ERMP1: variants seen among roughly 807,000 people sequenced by gnomAD.
The protein encoded by ERMP1 is Felix-ina.
ERMP1 carries 86 observed loss-of-function variants against 92.0 expected under a neutral mutation model. The ratio of observed to expected loss-of-function variants is 0.93; its 90% CI spans 0.79 to 1.12. The LOEUF is 1.12. Among genes scored for constraint, ERMP1 ranks in the 50% most tolerant of loss-of-function variants. The pLI is 0.00. For missense variants in ERMP1, 1,342 were observed against 1,116.3 expected (o/e 1.20, Z -2.88); for synonymous variants, 530 against 412.8 (o/e 1.28, Z -3.44).
chr9:5,802,752 T>C (rs1218521634), intron 10 of ERMP1, among the ~76,000 whole-genome samples: 1 of 152,178 alleles, frequency 6.6e-6, no homozygotes, highest in Non-Finnish European at 1.5e-5. Context: ...CGTATACTGA[T>C]TGAATGACAG....
At chr9:5,816,483 T>C (rs1342675329) in intron 4 of ERMP1, among the ~76,000 whole-genome samples, 1 of 152,240 alleles carries the variant, frequency 6.6e-6, no homozygotes, top group Non-Finnish European at 1.5e-5. Context: ...GTATTATCTT[T>C]TGTATATATA....
At chr9:5,863,640 G>C (rs915320084) in intron 5 of ERMP1, among the ~76,000 whole-genome samples, 2 of 152,198 alleles carry the variant, frequency 1.3e-5, no homozygotes, top group Non-Finnish European at 2.9e-5. Flanking sequence ...GTAAGGATCA[G>C]AGGGAAGGTC....
intron 2 of ERMP1, among the ~76,000 whole-genome samples, chr9:5,825,937 G>A (rs557478567): frequency 2.6e-5 from 4 of 152,312 alleles, no homozygotes; most frequent in Admixed American, 6.5e-5. Flanking sequence ...AGCATTGTAA[G>A]AGACAATTAA....
chr9:5,835,993 G>A (rs192114347), upstream of ERMP1, among the ~76,000 whole-genome samples: 497 of 152,326 alleles, frequency 3.3e-3, 5 homozygotes, highest in African/African-American at 0.011. Flanking sequence ...TGGCTGCCCC[G>A]TCTGGTGAGC....
rs4532647 is a variant in ERMP1 at position 5,843,416 on chromosome 9, T to A, written n.3200-10104A>T. 2.1e-3 allele frequency among the ~76,000 whole-genome samples: 325 copies of A among 152,328 alleles called. 1 individual carries two copies. The highest frequency in any genetic ancestry group is 7.6e-3 in the African/African-American group (317 of 41,550). The stretch of plus-strand genomic sequence containing the variant: ...GTGTGTAAACTGGATTCCACCCACC[T>A]GCTGCCAGTTTGAAGCCTCTGAGCC... On this transcript the variant is annotated intron_variant and non_coding_transcript_variant, in intron 6 of 6. Coordinates refer to the ERMP1 transcript ENST00000690753.
At chr9:5,859,900 T>C (rs1200198661) in intron 5 of ERMP1, among the ~76,000 whole-genome samples, 1 of 152,230 alleles carries the variant, frequency 6.6e-6, no homozygotes, top group Non-Finnish European at 1.5e-5. Context: ...GCCTTAGATA[T>C]ACTTTGAAAA....
At chr9:5,789,993 A>G (rs1172103965) in intron 13 of ERMP1, among the ~76,000 whole-genome samples, 2 of 151,954 alleles carry the variant, frequency 1.3e-5, no homozygotes, top group South Asian at 2.1e-4. Flanking sequence ...AACTTATTAT[A>G]CTGAGGATTT....
chr9:5,806,426 A>T (rs577376617), intron 8 of ERMP1, among the ~76,000 whole-genome samples: 2 of 151,138 alleles, frequency 1.3e-5, no homozygotes, highest in African/African-American at 2.4e-5. Flanking sequence ...TTGCCATATA[A>T]ACTTTTTTTT....
intron 13 of ERMP1, among the ~76,000 whole-genome samples, chr9:5,788,420 AAAG>A (rs1293520012): frequency 6.6e-6 from 1 of 152,206 alleles, no homozygotes; most frequent in Admixed American, 6.5e-5. Context: ...GAAAAATAAA[AAAG>A]AAGGAAGAGG....
At chr9:5,819,254 A>G (rs1829435637) in intron 4 of ERMP1, among the ~76,000 whole-genome samples, 1 of 152,212 alleles carries the variant, frequency 6.6e-6, no homozygotes, top group African/African-American at 2.4e-5. Context: ...TGAAGTACTA[A>G]TACATGCGAC....
chr9:5,864,532 G>A (rs960006684), intron 5 of ERMP1, among the ~76,000 whole-genome samples: 6 of 152,176 alleles, frequency 3.9e-5, no homozygotes, highest in South Asian at 4.1e-4. Context: ...GGAGGGGGGC[G>A]AGCGGGTATT....
chr9:5,819,763 C>G (rs560232678), intron 4 of ERMP1, among the ~76,000 whole-genome samples: 16 of 152,072 alleles, frequency 1.1e-4, no homozygotes, highest in Admixed American at 5.2e-4. Flanking sequence ...GTAAAAAAAC[C>G]CAAACGCAAA....
chr9:5,831,059 T>G (rs1452478400), intron 1 of ERMP1, 31 bp from the exon 2 acceptor site: 1 of 1,578,880 alleles, frequency 6.3e-7, no homozygotes, highest in African/African-American at 1.4e-5. Context: ...AACAAAGGTT[T>G]GTAGTTAAAA....
intron 6 of ERMP1, among the ~76,000 whole-genome samples, chr9:5,850,031 G>C (rs927406678): frequency 4.6e-5 from 7 of 152,104 alleles, no homozygotes; most frequent in African/African-American, 1.4e-4. Context: ...TACCAATCAG[G>C]AAACAAACCC....
chr9:5,867,033 A>G (rs67576155), intron 5 of ERMP1, among the ~76,000 whole-genome samples: 40,581 of 152,092 alleles, frequency 0.27, 5,841 homozygotes, highest in East Asian at 0.54. Flanking sequence ...CATCTCTACA[A>G]GAAAATTTAA....
At chr9:5,858,103 T>C (rs986244117) in intron 6 of ERMP1, among the ~76,000 whole-genome samples, 1 of 152,214 alleles carries the variant, frequency 6.6e-6, no homozygotes, top group African/African-American at 2.4e-5. Context: ...AGTGCTCTCA[T>C]AGGAGCATTC....
At chr9:5,808,003 T>A (rs200797181) in intron 8 of ERMP1, among the ~76,000 whole-genome samples, 4 of 151,990 alleles carry the variant, frequency 2.6e-5, no homozygotes, top group African/African-American at 7.3e-5. Flanking sequence ...TAAAAAAAAA[T>A]AATAGAGATG....
chr9:5,837,855 C>T (rs546464656), upstream of ERMP1, among the ~76,000 whole-genome samples: 40 of 152,280 alleles, frequency 2.6e-4, no homozygotes, highest in African/African-American at 9.4e-4. Context: ...ATAATCCCAG[C>T]ACTTTGGGAG....
chr9:5,796,295 C>G (rs193095892), intron 13 of ERMP1, among the ~76,000 whole-genome samples: 7 of 152,224 alleles, frequency 4.6e-5, no homozygotes, highest in African/African-American at 1.7e-4. Flanking sequence ...AACTTCAAAA[C>G]TTAACTATAT....
Sources: gnomAD v4.1 joint callset for allele counts (sites outside exome capture counted in the v4.1 genomes callset) on GRCh38, gnomAD v4.1.1 for gene constraint, MANE v1.5 for transcripts, NCBI Gene and HGNC (gene_info 2026-07-23, HGNC 2026-07-21) for gene names.